Variants in GPHN observed in about 807,000 individuals in gnomAD.
GPHN encodes the protein gephyrin.
GPHN carries 17 observed loss-of-function variants against 95.5 expected under a neutral mutation model. The observed-to-expected ratio is 0.18, with a 90% confidence interval of 0.12 to 0.27. The LOEUF is 0.27. Ranked by LOEUF, GPHN falls within the 10% of genes least tolerant of loss-of-function variation. GPHN has a pLI of 1.00. For missense variants in GPHN, 660 were observed against 978.1 expected (o/e 0.67, Z 4.34); for synonymous variants, 320 against 322.5 (o/e 0.99, Z 0.08).
intron 5 of GPHN, among the ~76,000 whole-genome samples, chr14:66,896,853 G>A (rs920246652): frequency 5.9e-5 from 9 of 151,690 alleles, no homozygotes; most frequent in African/African-American, 2.2e-4. Flanking sequence ...CATATGTATT[G>A]GTTAAAAAAA....
chr14:66,897,791 G>A (rs901499369), intron 5 of GPHN, among the ~76,000 whole-genome samples: 3 of 152,084 alleles, frequency 2.0e-5, no homozygotes, highest in African/African-American at 7.2e-5. Context: ...TACACCAAAC[G>A]ATGCGGTATC....
At chr14:66,688,694 T>G (rs1476937476) in intron 2 of GPHN, among the ~76,000 whole-genome samples, 1 of 152,156 alleles carries the variant, frequency 6.6e-6, no homozygotes, top group Non-Finnish European at 1.5e-5. Flanking sequence ...TTTAATTCTT[T>G]CTCTTGCCTA....
chr14:67,604,002 G>GTTT, the GPHN span, among the ~76,000 whole-genome samples: 7 of 147,874 alleles, frequency 4.7e-5, no homozygotes, highest in South Asian at 2.1e-4. Flanking sequence ...TTTTGTTTTT[G>GTTT]TTTTTTTTTT....
chr14:67,183,553 ATTATTT>A (rs898174988), downstream of GPHN, among the ~76,000 whole-genome samples: 5 of 151,924 alleles, frequency 3.3e-5, no homozygotes, highest in South Asian at 2.1e-4. Flanking sequence ...ATATTCTTTT[ATTATTT>A]TTATTTTTAT....
intron 5 of GPHN, among the ~76,000 whole-genome samples, chr14:66,897,193 A>T (rs2064898640): frequency 6.6e-6 from 1 of 152,162 alleles, no homozygotes; most frequent in South Asian, 2.1e-4. Context: ...TTGGATGTTG[A>T]CATTGATAAC....
intron 12 of GPHN, among the ~76,000 whole-genome samples, chr14:67,096,840 T>G (rs77838957): frequency 0.066 from 10,081 of 151,814 alleles, 357 homozygotes; most frequent in Middle Eastern, 0.085. Flanking sequence ...TGCCCAGCTT[T>G]GTCTCAAACT....
chr14:67,268,535 G>C, the GPHN span, among the ~76,000 whole-genome samples: 1 of 152,124 alleles, frequency 6.6e-6, no homozygotes, highest in Non-Finnish European at 1.5e-5. Context: ...TGAATTTTCC[G>C]GGGGAAAGGG....
chr14:67,186,903 C>G, the GPHN span, among the ~76,000 whole-genome samples: 2 of 152,178 alleles, frequency 1.3e-5, no homozygotes, highest in African/African-American at 2.4e-5. Flanking sequence ...GATTGAGAAA[C>G]AGCTCTCTAA....
chr14:67,349,563 G>A, the GPHN span, among the ~76,000 whole-genome samples: 2 of 152,148 alleles, frequency 1.3e-5, no homozygotes, highest in Non-Finnish European at 2.9e-5. Context: ...GGCAGGGTGC[G>A]ATAGCTCACG....
the GPHN span, among the ~76,000 whole-genome samples, chr14:67,260,494 A>T: frequency 1.3e-5 from 2 of 152,206 alleles, no homozygotes; most frequent in Admixed American, 1.3e-4. Context: ...ATTAATAGAC[A>T]TTCTGATTTC....
the GPHN span, chr14:67,388,303 C>G: frequency 1.2e-6 from 2 of 1,605,086 alleles, no homozygotes; most frequent in Non-Finnish European, 1.7e-6. Flanking sequence ...TGTTCTCTTC[C>G]TGTAGAGGAA....
chr14:67,543,473 C>G, the GPHN span, among the ~76,000 whole-genome samples: 1 of 152,204 alleles, frequency 6.6e-6, no homozygotes, highest in African/African-American at 2.4e-5. Context: ...CAGTGATTCT[C>G]AAAGTGTGGT....
chr14:67,222,901 T>A, the GPHN span, among the ~76,000 whole-genome samples: 1 of 151,982 alleles, frequency 6.6e-6, no homozygotes, highest in Admixed American at 6.5e-5. Flanking sequence ...AAGGCAGTTT[T>A]AGTCACACGT....
intron 4 of GPHN, among the ~76,000 whole-genome samples, chr14:66,847,556 G>C (rs2062387430): frequency 6.6e-6 from 1 of 151,894 alleles, no homozygotes; most frequent in African/African-American, 2.4e-5. Context: ...ATTCTTACTA[G>C]GCTTCAAGTC....
intron 4 of GPHN, among the ~76,000 whole-genome samples, chr14:66,853,882 G>A (rs551976656): frequency 3.3e-5 from 5 of 152,174 alleles, no homozygotes; most frequent in Non-Finnish European, 5.9e-5. Context: ...GGATCCTTGA[G>A]AGTATTAAAA....
the GPHN span, among the ~76,000 whole-genome samples, chr14:67,407,311 T>TG: frequency 1.3e-5 from 2 of 151,994 alleles, no homozygotes; most frequent in Middle Eastern, 3.4e-3. Context: ...TTAGTAGAGA[T>TG]GGGGTTTCAC....
chr14:66,932,525 C>G (rs1451906188), intron 8 of GPHN, among the ~76,000 whole-genome samples: 1 of 123,530 alleles, frequency 8.1e-6, no homozygotes, highest in East Asian at 2.9e-4. Flanking sequence ...TTTAGAAATG[C>G]CGTCCAAGAG....
intron 10 of GPHN, among the ~76,000 whole-genome samples, chr14:67,031,786 T>C (rs1483622287): frequency 1.3e-5 from 2 of 152,152 alleles, no homozygotes; most frequent in African/African-American, 4.8e-5. Flanking sequence ...CGCTATTCAA[T>C]TTAAATTTTG....
chr14:67,334,090 A>G, the GPHN span: 1 of 152,696 alleles, frequency 6.5e-6, no homozygotes, highest in South Asian at 2.1e-4. Flanking sequence ...CTTTAAGATC[A>G]AAAGGAAGGG....
Sources: allele counts gnomAD v4.1 joint callset (sites outside exome capture counted in the v4.1 genomes callset), GRCh38; gene constraint gnomAD v4.1.1; transcripts MANE v1.5; gene names NCBI Gene and HGNC (gene_info 2026-07-23, HGNC 2026-07-21).